Variants in KIAA0232 observed in about 807,000 individuals in gnomAD.
KIAA0232 encodes the protein uncharacterized protein KIAA0232.
In KIAA0232, 27 loss-of-function variants were observed where a neutral mutation model predicts 122.0. The observed-to-expected ratio is 0.22, with a 90% CI of 0.16 to 0.31. The LOEUF is 0.31. Among genes scored for constraint, KIAA0232 ranks in the 10% least tolerant of loss-of-function variants. The probability of loss-of-function intolerance (pLI) is 1.00; values close to 1 mark genes in which losing one functional copy is unlikely to be tolerated. For synonymous variants in KIAA0232, 613 were observed against 587.6 expected, an observed-to-expected ratio of 1.04 and a Z score of -0.63; for missense variants, 1,551 against 1,634.2, an observed-to-expected ratio of 0.95 and a Z score of 0.88.
intron 3 of KIAA0232, among the ~76,000 whole-genome samples, chr4:6,837,366 C>T (rs1430845655): frequency 6.7e-6 from 1 of 150,010 alleles, no homozygotes; most frequent in African/African-American, 2.5e-5. Flanking sequence ...GGCGGCCGGG[C>T]AGAGAGGCTC....
At chr4:6,818,165 G>A (rs1397980086) in intron 2 of KIAA0232, among the ~76,000 whole-genome samples, 1 of 152,080 alleles carries the variant, frequency 6.6e-6, no homozygotes, top group East Asian at 1.9e-4. Flanking sequence ...CACTTTGGGA[G>A]GCCGAGGCTG....
intron 4 of KIAA0232, among the ~76,000 whole-genome samples, chr4:6,846,865 A>G (rs552014837): frequency 4.5e-4 from 69 of 152,284 alleles, no homozygotes; most frequent in African/African-American, 1.3e-3. Flanking sequence ...ATGTTTGCAT[A>G]TAAGTATGCT....
At chr4:6,801,895 T>C (rs1372966536) in intron 1 of KIAA0232, among the ~76,000 whole-genome samples, 1 of 152,206 alleles carries the variant, frequency 6.6e-6, no homozygotes, top group African/African-American at 2.4e-5. Flanking sequence ...GTTATTTGTA[T>C]ACATGCCACC....
chr4:6,849,693 T>G (rs1317983287), intron 4 of KIAA0232, among the ~76,000 whole-genome samples: 2 of 151,654 alleles, frequency 1.3e-5, no homozygotes, highest in African/African-American at 4.8e-5. Context: ...GTGGGAAAAT[T>G]GCTTGAACCA....
At chr4:6,796,166 A>G (rs891657318) in intron 1 of KIAA0232, among the ~76,000 whole-genome samples, 32 of 152,186 alleles carry the variant, frequency 2.1e-4, no homozygotes, top group African/African-American at 7.5e-4. Context: ...AATATGTGGA[A>G]TTGGTTATTC....
At position 6,883,500 on chromosome 4, in the gene KIAA0232, A is replaced by G. The variant is rs570243499; in HGVS notation, c.*2534A>G. The G allele has an allele frequency of 3.9e-5, 6 of 152,330 alleles. No homozygotes were observed. The highest frequency in any genetic ancestry group is 1.4e-4 in the African/African-American group (6 of 41,580). 9.4% of individuals were successfully genotyped at this position (152,330 alleles called of 1,614,324 possible). Reference sequence around the variant, plus strand: ...TCTAGATGGAGGTCATTTAGCTCTCATTGCAGACACTGCTGAAAACATTGT... The same window carrying G: ...TCTAGATGGAGGTCATTTAGCTCTCGTTGCAGACACTGCTGAAAACATTGT... On this transcript the variant is annotated 3_prime_UTR_variant, in exon 10 of 10. Transcript: ENST00000307659.
Position 6,795,474 on chromosome 4 carries a change from C to T in KIAA0232, c.-353-9049C>T, listed in dbSNP as rs144057969. 1.5e-3 allele frequency among the ~76,000 whole-genome samples: 221 copies of T among 152,292 alleles called. 1 individual carries two copies. The highest frequency in any genetic ancestry group is 0.011 in the South Asian group (52 of 4,830). The stretch of plus-strand genomic sequence containing the variant: ...GACAGTGTGAAAAATTACAATGTAA[C>T]ATATATCATTAATTTTTACCTTCAT... On this transcript the variant is annotated intron_variant, in intron 1 of 9. Coordinates refer to ENST00000307659, the MANE Select transcript of KIAA0232 (RefSeq NM_014743.3).
chr4:6,835,247 T>G (rs1011022437), intron 3 of KIAA0232, among the ~76,000 whole-genome samples: 2 of 152,116 alleles, frequency 1.3e-5, no homozygotes, highest in Middle Eastern at 3.4e-3. Flanking sequence ...GGTAGAAGCT[T>G]AAGGCCTTTT....
intron 2 of KIAA0232, among the ~76,000 whole-genome samples, chr4:6,805,316 T>G (rs1717567329): frequency 6.6e-6 from 1 of 152,196 alleles, no homozygotes; most frequent in Non-Finnish European, 1.5e-5. Context: ...TGTATCTTTT[T>G]GCATAAACAG....
At chr4:6,798,862 A>G (rs1017038710) in intron 1 of KIAA0232, among the ~76,000 whole-genome samples, 1 of 152,168 alleles carries the variant, frequency 6.6e-6, no homozygotes, top group South Asian at 2.1e-4. Flanking sequence ...GCTGTGTACT[A>G]TTTACTAAGA....
At chr4:6,793,439 T>C (rs765106106) in intron 1 of KIAA0232, among the ~76,000 whole-genome samples, 3 of 152,224 alleles carry the variant, frequency 2.0e-5, no homozygotes, top group Non-Finnish European at 2.9e-5. Context: ...TGGTTTGTGT[T>C]TGAAAAAGTA....
At chr4:6,800,571 C>T (rs1362990569) in intron 1 of KIAA0232, among the ~76,000 whole-genome samples, 3 of 151,590 alleles carry the variant, frequency 2.0e-5, no homozygotes, top group Admixed American at 6.6e-5. Flanking sequence ...ATCCCAGCTA[C>T]GCAGGAGGCT....
intron 2 of KIAA0232, among the ~76,000 whole-genome samples, chr4:6,817,341 C>T (rs1227028975): frequency 6.6e-6 from 1 of 152,132 alleles, no homozygotes; most frequent in Non-Finnish European, 1.5e-5. Flanking sequence ...CTCAGCCTCC[C>T]AAGTAGCTGG....
chr4:6,787,542 T>A (rs1463680328), intron 1 of KIAA0232, among the ~76,000 whole-genome samples: 1 of 152,232 alleles, frequency 6.6e-6, no homozygotes, highest in Non-Finnish European at 1.5e-5. Context: ...TTTGTCCTAC[T>A]TGTTACCCAG....
In KIAA0232 at chr4:6,880,926, G is replaced by A; in HGVS notation, c.4148G>A (p.Gly1383Asp). 1 of 1,592,408 alleles carries A rather than the reference G, an allele frequency of 6.3e-7. No individual in the cohort carries two copies. The highest frequency in any genetic ancestry group is 8.6e-7 in the Non-Finnish European group (1 of 1,168,090). The change falls in exon 10 of 10, where the codon GGC (glycine) becomes GAC (aspartate). Residue 1383 changes from glycine (G) to aspartate (D), a missense_variant. Coordinates refer to ENST00000307659, the MANE Select transcript of KIAA0232 (RefSeq NM_014743.3). Reference sequence around the variant, plus strand: ...TCAGAAGGCGGAGGCGAGTGGGTGGGCCCTAGTGAAGAGGAGCTCTTTTCT... The same window carrying A: ...TCAGAAGGCGGAGGCGAGTGGGTGGACCCTAGTGAAGAGGAGCTCTTTTCT... ...TGSEGGGEWV[G>D]PSEEELFSRT... is the part of the protein sequence containing the mutation.
chr4:6,820,886 C>T (rs968411590), intron 2 of KIAA0232, among the ~76,000 whole-genome samples: 8 of 152,166 alleles, frequency 5.3e-5, no homozygotes, highest in African/African-American at 1.9e-4. Context: ...AAAAGCATGG[C>T]ACTGGCCTGT....
intron 3 of KIAA0232, among the ~76,000 whole-genome samples, chr4:6,834,740 A>G (rs1214386649): frequency 2.6e-5 from 4 of 152,242 alleles, no homozygotes; most frequent in African/African-American, 9.6e-5. Context: ...CAGGTTAAAA[A>G]AATAATAAAT....
intron 7 of KIAA0232, among the ~76,000 whole-genome samples, chr4:6,870,880 A>G (rs1198031276): frequency 6.6e-6 from 1 of 152,044 alleles, no homozygotes; most frequent in African/African-American, 2.4e-5. Context: ...GAGGGAGAAG[A>G]GGGTTCCCCC....
At chr4:6,850,730 T>C (rs1194803806) in intron 4 of KIAA0232, among the ~76,000 whole-genome samples, 1 of 151,808 alleles carries the variant, frequency 6.6e-6, no homozygotes, top group Non-Finnish European at 1.5e-5. Flanking sequence ...GCAGTGGCGT[T>C]ATCTCAGTCA....
Sources: allele counts gnomAD v4.1 joint callset (sites outside exome capture counted in the v4.1 genomes callset), GRCh38; gene constraint gnomAD v4.1.1; transcripts MANE v1.5; gene names NCBI Gene and HGNC (gene_info 2026-07-23, HGNC 2026-07-21).